Variants in C8orf89 observed in about 807,000 individuals in gnomAD.
C8orf89 encodes putative uncharacterized protein C8orf89.
A neutral mutation model predicts 15.8 loss-of-function variants in C8orf89; 14 were observed. The ratio of observed to expected loss-of-function variants is 0.89; its 90% CI spans 0.59 to 1.39. The LOEUF is 1.39. Among genes scored for constraint, C8orf89 ranks in the 40% most tolerant of loss-of-function variants. C8orf89 has a pLI of 0.00. For missense variants in C8orf89, 181 were observed against 184.5 expected, an observed-to-expected ratio of 0.98 and a Z score of 0.11; for synonymous variants, 55 against 62.2, an observed-to-expected ratio of 0.88 and a Z score of 0.54.
upstream of C8orf89, among the ~76,000 whole-genome samples, chr8:73,262,547 T>C (rs1218007788): frequency 6.6e-6 from 1 of 152,140 alleles, no homozygotes; most frequent in Admixed American, 6.5e-5. Flanking sequence ...CTGGGCATAA[T>C]GGCTCACACA....
chr8:73,252,699 T>C (rs142269989), intron 2 of C8orf89, among the ~76,000 whole-genome samples: 1,568 of 152,248 alleles, frequency 0.01, 32 homozygotes, highest in African/African-American at 0.035. Flanking sequence ...TTTTGAAACG[T>C]CAACCTTGTG....
the C8orf89 span, among the ~76,000 whole-genome samples, chr8:73,285,704 G>GCAGCGGGCA: frequency 1.3e-5 from 2 of 152,216 alleles, no homozygotes; most frequent in African/African-American, 2.4e-5. Context: ...GGTGGCTGGG[G>GCAGCGGGCA]CAGCGGGCAC....
the C8orf89 span, among the ~76,000 whole-genome samples, chr8:73,280,018 G>A: frequency 1.2e-4 from 18 of 152,206 alleles, no homozygotes; most frequent in Non-Finnish European, 2.5e-4. Context: ...GCTGTGCACT[G>A]TCCGAATTCC....
At chr8:73,284,089 G>T in the C8orf89 span, among the ~76,000 whole-genome samples, 1 of 150,454 alleles carries the variant, frequency 6.6e-6, no homozygotes, top group Non-Finnish European at 1.5e-5. Context: ...TGCATTGTTT[G>T]TAACAGGGAA....
At chr8:73,260,627 G>C (rs1459476682), upstream of C8orf89, among the ~76,000 whole-genome samples, 1 of 152,160 alleles carries the variant, frequency 6.6e-6, no homozygotes, top group African/African-American at 2.4e-5. Flanking sequence ...GCACACAGCA[G>C]GGATTCCCAC....
At chr8:73,266,883 C>T in the C8orf89 span, among the ~76,000 whole-genome samples, 1 of 151,804 alleles carries the variant, frequency 6.6e-6, no homozygotes, top group Non-Finnish European at 1.5e-5. Flanking sequence ...GTAGCTGATT[C>T]CAGGTCTGTG....
the C8orf89 span, among the ~76,000 whole-genome samples, chr8:73,285,890 C>T: frequency 1.3e-5 from 2 of 152,296 alleles, no homozygotes; most frequent in South Asian, 2.1e-4. Flanking sequence ...AGCCCTGCGA[C>T]GCTGGGCCCG....
chr8:73,255,022 A>C (rs1261446004), intron 2 of C8orf89, among the ~76,000 whole-genome samples: 1 of 152,182 alleles, frequency 6.6e-6, no homozygotes, highest in East Asian at 1.9e-4. Context: ...ACCCTAGAAG[A>C]AAACCTAGGC....
At chr8:73,247,436 A>C (rs1317412059) in intron 3 of C8orf89, among the ~76,000 whole-genome samples, 1 of 152,244 alleles carries the variant, frequency 6.6e-6, no homozygotes, top group African/African-American at 2.4e-5. Context: ...AGAAGGATTT[A>C]TAGTCCTTTG....
chr8:73,270,992 T>C, the C8orf89 span, among the ~76,000 whole-genome samples: 3 of 152,196 alleles, frequency 2.0e-5, no homozygotes, highest in Non-Finnish European at 2.9e-5. Flanking sequence ...AATGAAGAGA[T>C]GAATGTATAT....
At chr8:73,264,130 T>C (rs1451278084), upstream of C8orf89, among the ~76,000 whole-genome samples, 3 of 152,194 alleles carry the variant, frequency 2.0e-5, no homozygotes, top group African/African-American at 7.2e-5. Flanking sequence ...AGTGTAACTA[T>C]ACTTGGGGGT....
At chr8:73,265,849 T>A in the C8orf89 span, among the ~76,000 whole-genome samples, 1 of 152,206 alleles carries the variant, frequency 6.6e-6, no homozygotes, top group Non-Finnish European at 1.5e-5. Flanking sequence ...CCTGACATCA[T>A]CATGCTCCAG....
At chr8:73,256,422 T>A (rs1053848406) in intron 2 of C8orf89, among the ~76,000 whole-genome samples, 1 of 151,448 alleles carries the variant, frequency 6.6e-6, no homozygotes, top group Non-Finnish European at 1.5e-5. Context: ...ACAATCAAGG[T>A]TTTTTTTAAA....
upstream of C8orf89, among the ~76,000 whole-genome samples, chr8:73,262,752 G>A (rs1813551784): frequency 6.6e-6 from 1 of 151,390 alleles, no homozygotes; most frequent in Non-Finnish European, 1.5e-5. Flanking sequence ...AGGAGTTCTA[G>A]GCTGCAGTGA....
intron 3 of C8orf89, 94 bp downstream of exon 3, chr8:73,250,174 A>T: frequency 1.4e-6 from 1 of 727,410 alleles, no homozygotes; most frequent in Non-Finnish European, 2.3e-6. Flanking sequence ...AAACAAAGAT[A>T]ATTAATCAAT....
chr8:73,285,857 G>A, the C8orf89 span, among the ~76,000 whole-genome samples: 2 of 152,192 alleles, frequency 1.3e-5, no homozygotes, highest in African/African-American at 2.4e-5. Flanking sequence ...CCACTCCTGG[G>A]GTGAGCATGC....
the C8orf89 span, among the ~76,000 whole-genome samples, chr8:73,275,726 C>G: frequency 6.6e-6 from 1 of 152,068 alleles, no homozygotes; most frequent in Non-Finnish European, 1.5e-5. Flanking sequence ...TTGGTGAGTA[C>G]TAATTCTTTA....
upstream of C8orf89, among the ~76,000 whole-genome samples, chr8:73,259,997 CA>C (rs1440732921): frequency 2.6e-5 from 4 of 152,188 alleles, no homozygotes; most frequent in African/African-American, 9.6e-5. Context: ...TGACCGCTAC[CA>C]TTTATGAAAT....
At chr8:73,259,565 C>A, upstream of C8orf89, 1 of 632,034 alleles carries the variant, frequency 1.6e-6, no homozygotes, top group Non-Finnish European at 2.4e-6. Flanking sequence ...ACAGATGTGT[C>A]ATAATGTTTC....
Sources: gnomAD v4.1 joint callset for allele counts (sites outside exome capture counted in the v4.1 genomes callset) on GRCh38, gnomAD v4.1.1 for gene constraint, MANE v1.5 for transcripts, NCBI Gene and HGNC (gene_info 2026-07-23, HGNC 2026-07-21) for gene names.